The following DNAH7 variants were observed in gnomAD, a reference collection of about 807,000 sequenced individuals.
DNAH7 encodes dynein axonemal heavy chain 7.
In DNAH7, 397 loss-of-function variants were observed where a neutral mutation model predicts 444.6. That is an observed-to-expected ratio of 0.89 (90% confidence interval 0.82 to 0.97). The LOEUF is 0.97. DNAH7 is among the 50% of genes least tolerant of loss of function. DNAH7 has a pLI of 0.00. For synonymous variants in DNAH7, 1,636 were observed against 1,624.4 expected (o/e 1.01, Z -0.17); for missense variants, 4,902 against 4,800.8 (o/e 1.02, Z -0.62).
intron 63 of DNAH7, among the ~76,000 whole-genome samples, chr2:195,753,762 T>A (rs1217192624): frequency 6.6e-6 from 1 of 152,116 alleles, no homozygotes; most frequent in East Asian, 1.9e-4. Context: ...GTGTAGACAA[T>A]CATCAAGAAA....
At chr2:195,758,466 G>A (rs1330533848) in intron 61 of DNAH7, among the ~76,000 whole-genome samples, 1 of 152,098 alleles carries the variant, frequency 6.6e-6, no homozygotes, top group Non-Finnish European at 1.5e-5. Context: ...ATTGGCATAG[G>A]TTTGAGAAGG....
chr2:195,824,732 G>A (rs543925848), intron 48 of DNAH7, among the ~76,000 whole-genome samples: 15 of 152,240 alleles, frequency 9.9e-5, no homozygotes, highest in African/African-American at 2.6e-4. Context: ...TTCACCAGGC[G>A]CCCAGGTATT....
chr2:195,916,957 C>T (rs1687720640), intron 24 of DNAH7, among the ~76,000 whole-genome samples: 2 of 151,670 alleles, frequency 1.3e-5, no homozygotes, highest in South Asian at 4.2e-4. Flanking sequence ...AAAAAATTAG[C>T]CAGGTGTGGT....
rs779998310 is a variant in DNAH7, at chr2:195,796,635, C to T, written c.10456G>A (p.Val3486Ile). Residue 3486 changes from valine to isoleucine, a missense_variant, in exon 56 of 65, where the codon GTT (valine) becomes ATT (isoleucine). Physicochemically the swap from Val to Ile is conservative, Grantham distance 29. Transcript: ENST00000312428. ...GTGGCAAGGTGACAATTCTGAAGAA[C>T]AACCCATGTTCCTTCCTTGACAGCT... is the stretch of plus-strand genomic sequence containing the variant. Reference protein sequence around the residue: ...EKAVKEGTWVVLQNCHLATSW... With the variant: ...EKAVKEGTWVILQNCHLATSW... The T allele has an allele frequency of 3.1e-6, 5 of 1,614,162 alleles. No individual in the cohort carries two copies. Among genetic ancestry groups the T allele is most frequent in the Non-Finnish European group, 4.2e-6 (5 of 1,180,000 alleles).
chr2:195,806,721 T>G lies in DNAH7; in HGVS notation c.10176+19A>C. On this transcript the variant is annotated intron_variant, in intron 54 of 64. Coordinates refer to ENST00000312428, the MANE Select transcript of DNAH7 (RefSeq NM_018897.3). ...TAAGGCTTTGGAATCATTGAGCTGT[T>G]TTCAAAGCCCACATTTACCTTGTCT... 6.2e-7 allele frequency: 1 copy of G among 1,608,586 alleles called. No homozygotes were observed. The highest frequency in any genetic ancestry group is 8.5e-7 in the Non-Finnish European group (1 of 1,175,564).
intron 27 of DNAH7, chr2:195,903,513 G>T (rs1379173654): frequency 1.3e-5 from 2 of 152,048 alleles, no homozygotes; most frequent in African/African-American, 4.8e-5. Flanking sequence ...ATTCTAAAAT[G>T]ATCATTGACT....
chr2:195,926,676 T>C, intron 21 of DNAH7, 110 bp from the exon 22 acceptor site: 1 of 979,548 alleles, frequency 1.0e-6, no homozygotes, highest in Non-Finnish European at 1.4e-6. Flanking sequence ...TACAACATTC[T>C]TAGACATTTA....
intron 38 of DNAH7, among the ~76,000 whole-genome samples, chr2:195,874,691 GCATGCCTGTAGTCCTA>G (rs1257547843): frequency 5.9e-5 from 9 of 152,018 alleles, no homozygotes; most frequent in African/African-American, 2.2e-4. Context: ...GCATGGTGAT[GCATGCCTGTAGTCCTA>G]GCTGCTCAGG....
chr2:195,979,006 T>C (rs1692386408), intron 15 of DNAH7, among the ~76,000 whole-genome samples: 1 of 151,748 alleles, frequency 6.6e-6, no homozygotes, highest in South Asian at 2.1e-4. Flanking sequence ...TCAACATTCA[T>C]ACAAAACATG....
intron 1 of DNAH7, among the ~76,000 whole-genome samples, chr2:196,066,168 G>A (rs1020306240): frequency 1.3e-5 from 2 of 152,320 alleles, no homozygotes; most frequent in East Asian, 1.9e-4. Flanking sequence ...ACCTGGGATA[G>A]CCCAAGTATT....
Position 195,857,421 on chromosome 2 carries a change from G to A in DNAH7, c.8370C>T (p.Ala2790=), listed in dbSNP as rs760707212. 1.8e-5 allele frequency: 29 copies of A among 1,609,194 alleles called. No homozygotes were observed. In the Admixed American group the frequency reaches 2.9e-4, roughly 16 times the overall value. ...CTATGACCCATTTGCACAGACCTTC[G>A]GCCGCTGTAGAAGCATTTCTGATTT... is the stretch of plus-strand genomic sequence containing the variant. The part of the protein sequence containing the change: ...PEKIRNASTA[A]EGLCKWVIAM... The change falls in exon 44 of 65, where the codon GCC becomes GCT. Residue 2790 remains alanine (A), a synonymous_variant. Coordinates refer to ENST00000312428, the MANE Select transcript of DNAH7 (RefSeq NM_018897.3).
At chr2:195,927,651 G>A (rs1688426811) in intron 21 of DNAH7, among the ~76,000 whole-genome samples, 1 of 151,758 alleles carries the variant, frequency 6.6e-6, no homozygotes, top group Non-Finnish European at 1.5e-5. Flanking sequence ...ATCACAAAAA[G>A]GGATTTCTAT....
intron 61 of DNAH7, among the ~76,000 whole-genome samples, chr2:195,766,887 C>T (rs1460505017): frequency 6.6e-6 from 1 of 152,182 alleles, no homozygotes; most frequent in East Asian, 1.9e-4. Flanking sequence ...ATGTCATCTT[C>T]AGATCTCTTA....
At chr2:195,925,376 T>C (rs954848608) in intron 22 of DNAH7, among the ~76,000 whole-genome samples, 1 of 152,000 alleles carries the variant, frequency 6.6e-6, no homozygotes, top group East Asian at 1.9e-4. Flanking sequence ...AGCTTAAAAG[T>C]AGAAAGACAA....
intron 63 of DNAH7, among the ~76,000 whole-genome samples, chr2:195,742,400 A>C (rs886750387): frequency 6.6e-6 from 1 of 152,220 alleles, no homozygotes; most frequent in African/African-American, 2.4e-5. Context: ...AACCAATCAG[A>C]TTAGTTATTC....
At chr2:195,879,630 T>C (rs1463460582) in intron 36 of DNAH7, among the ~76,000 whole-genome samples, 1 of 152,172 alleles carries the variant, frequency 6.6e-6, no homozygotes, top group African/African-American at 2.4e-5. Flanking sequence ...GATGAATATT[T>C]TTGATGTTTA....
At chr2:196,041,398 A>T (rs1023772766) in intron 5 of DNAH7, among the ~76,000 whole-genome samples, 3 of 152,152 alleles carry the variant, frequency 2.0e-5, no homozygotes, top group African/African-American at 7.2e-5. Context: ...AGAAAGCATA[A>T]ATAAATCCAT....
rs550726954 is a variant in DNAH7 at position 195,739,821 on chromosome 2, C to G, written c.11868+945G>C. On this transcript the variant is annotated intron_variant, in intron 64 of 64. Coordinates refer to ENST00000312428, the MANE Select transcript of DNAH7 (RefSeq NM_018897.3). ...CATCATCCAACACACGTTCCCAGCT[C>G]GGGTTGAACCAGGTGAGGCTCTGCT... 4.9e-4 allele frequency among the ~76,000 whole-genome samples: 75 copies of G among 152,292 alleles called. 1 individual carries two copies. Among genetic ancestry groups the G allele is most frequent in the African/African-American group, 1.7e-3 (69 of 41,558 alleles).
intron 55 of DNAH7, among the ~76,000 whole-genome samples, chr2:195,797,798 C>T (rs1245651201): frequency 6.6e-6 from 1 of 152,196 alleles, no homozygotes; most frequent in Non-Finnish European, 1.5e-5. Flanking sequence ...AAACCCTACT[C>T]CTCCATCTTC....
Sources: allele counts gnomAD v4.1 joint callset (sites outside exome capture counted in the v4.1 genomes callset), GRCh38; gene constraint gnomAD v4.1.1; transcripts MANE v1.5; gene names NCBI Gene and HGNC (gene_info 2026-07-23, HGNC 2026-07-21).